ZFX: variants seen among roughly 807,000 people sequenced by gnomAD.
The protein encoded by ZFX is zinc finger X-chromosomal protein.
For synonymous variants in ZFX, 196 were observed against 226.8 expected (o/e 0.86, Z 1.22); for missense variants, 362 against 628.3 (o/e 0.58, Z 4.53).
chrX:24,156,933 C>T (rs1287331921), intron 3 of ZFX, among the ~76,000 whole-genome samples: 3 of 111,787 alleles, frequency 2.7e-5, no homozygotes, highest in East Asian at 2.8e-4. Context: ...GGATTACAGG[C>T]GTGAGCCACT....
At position 24,180,091 on chromosome X, in the gene ZFX, G is replaced by T. The variant is rs1277551850; in HGVS notation, c.646+321G>T. Among the ~76,000 whole-genome samples, 6 of 109,913 alleles carry T rather than the reference G, an allele frequency of 5.5e-5. No individual in the cohort carries two copies. The Admixed American group carries it at 5.9e-4, about 11-fold the overall frequency. ...TACTAAAAATACAAAAATTAACCGG[G>T]TGTGGTGGTGGGCGCCTGTAATCCC... On this transcript the variant is annotated intron_variant, in intron 5 of 9. Coordinates refer to ENST00000304543, the MANE Select transcript of ZFX (RefSeq NM_003410.4).
At chrX:24,180,343 G>A (rs1935568268) in intron 5 of ZFX, among the ~76,000 whole-genome samples, 1 of 108,673 alleles carries the variant, frequency 9.2e-6, no homozygotes, top group African/African-American at 3.3e-5. Flanking sequence ...CCTAAAAGGA[G>A]TTCAACTTGG....
At chrX:24,207,244 AATTT>A in intron 5 of ZFX, 78 bp from the exon 6 acceptor site, 11 of 851,411 alleles carry the variant, frequency 1.3e-5, no homozygotes, top group Admixed American at 3.2e-5. Context: ...CAAAAAAAAA[AATTT>A]TTTTTTTTTT....
intron 5 of ZFX, among the ~76,000 whole-genome samples, chrX:24,203,863 C>T (rs1263032525): frequency 8.9e-6 from 1 of 112,442 alleles, no homozygotes; most frequent in Non-Finnish European, 1.9e-5. Flanking sequence ...TTCAGACTCT[C>T]ATCCTCTCAT....
At chrX:24,155,875 T>A (rs1569120142) in intron 3 of ZFX, among the ~76,000 whole-genome samples, 2 of 112,398 alleles carry the variant, frequency 1.8e-5, no homozygotes, top group South Asian at 7.3e-4. Flanking sequence ...GCCTCCTCCT[T>A]ATTGGTATAT....
intron 5 of ZFX, among the ~76,000 whole-genome samples, chrX:24,198,691 C>A (rs1937090829): frequency 9.0e-6 from 1 of 110,796 alleles, no homozygotes; most frequent in African/African-American, 3.3e-5. Context: ...CAGAGGTACA[C>A]AGATATAGGT....
intron 4 of ZFX, chrX:24,173,476 T>C: frequency 1.0e-6 from 1 of 961,790 alleles, no homozygotes; most frequent in Non-Finnish European, 1.3e-6. Flanking sequence ...CAAGGAAAAA[T>C]TATACTCAGG....
chrX:24,166,808 G>C (rs942470798), intron 3 of ZFX, among the ~76,000 whole-genome samples: 1 of 111,793 alleles, frequency 8.9e-6, no homozygotes, highest in Admixed American at 9.5e-5. Flanking sequence ...GTATGAATCA[G>C]AATATGATGA....
chrX:24,176,776 G>T (rs992236382), intron 4 of ZFX, among the ~76,000 whole-genome samples: 17 of 110,490 alleles, frequency 1.5e-4, no homozygotes, highest in African/African-American at 4.6e-4. Flanking sequence ...TTCTCTGAGG[G>T]CCTGGCCAGT....
At position 24,152,182 on chromosome X, in the gene ZFX, C is replaced by T. The variant is rs751429954; in HGVS notation, c.-140+382C>T. Among the ~76,000 whole-genome samples, 125 of 108,522 alleles carry T rather than the reference C, an allele frequency of 1.2e-3. 1 individual carries two copies. The highest frequency in any genetic ancestry group is 4.1e-3 in the African/African-American group (122 of 29,692). The allele number at this position is 108,522 out of a possible 115,157, so 94.2% of individuals were successfully genotyped here. On this transcript the variant is annotated intron_variant, in intron 2 of 9. Coordinates refer to ENST00000304543, the MANE Select transcript of ZFX (RefSeq NM_003410.4). ...ACTGAATCTCACTCTGTCGCCCAGG[C>T]TGGAGTGCAGTGGTGTGATCTTGGC...
At chrX:24,183,427 C>A (rs1935839485) in intron 5 of ZFX, among the ~76,000 whole-genome samples, 1 of 111,439 alleles carries the variant, frequency 9.0e-6, no homozygotes, top group Non-Finnish European at 1.9e-5. Context: ...CTCAGGTGAT[C>A]CCACCCGCCT....
chrX:24,159,565 C>T (rs1933051419), intron 3 of ZFX, among the ~76,000 whole-genome samples: 1 of 111,214 alleles, frequency 9.0e-6, no homozygotes. Context: ...ATCTCTGCCT[C>T]CCTGGTTCAA....
intron 5 of ZFX, among the ~76,000 whole-genome samples, chrX:24,186,809 C>T (rs1375218871): frequency 1.8e-5 from 2 of 111,372 alleles, no homozygotes; most frequent in Non-Finnish European, 3.8e-5. Flanking sequence ...TTATGATTGG[C>T]TTCTAAGTTA....
chrX:24,177,263 G>T (rs1476174166), intron 4 of ZFX, among the ~76,000 whole-genome samples: 1 of 112,057 alleles, frequency 8.9e-6, no homozygotes, highest in Non-Finnish European at 1.9e-5. Flanking sequence ...TTTTGATAAG[G>T]ATATTTGATT....
chrX:24,179,291 C>G lies in ZFX; in HGVS notation c.167C>G (p.Pro56Arg), dbSNP rs1569143451. ...DSDITVHNFV[P>R]DDPDSVVIQD... ...GACATAACTGTGCATAACTTTGTTC[C>G]TGATGACCCAGATTCAGTTGTAATC... The change falls in exon 5 of 10, where the codon CCT becomes CGT. Residue 56 changes from proline (P) to arginine (R), a missense_variant. Physicochemically the swap from Pro to Arg is moderately radical, Grantham distance 103. Transcript: ENST00000304543. The G allele has an allele frequency of 1.7e-6, 2 of 1,210,204 alleles. No homozygotes were observed. Among genetic ancestry groups the G allele is most frequent in the East Asian group, 3.0e-5 (1 of 33,813 alleles).
At chrX:24,209,475 A>G (rs975732476) in intron 9 of ZFX, among the ~76,000 whole-genome samples, 1 of 112,720 alleles carries the variant, frequency 8.9e-6, no homozygotes, top group Non-Finnish European at 1.9e-5. Context: ...GGGTATATTT[A>G]AACTTTGCTG....
chrX:24,200,003 G>T, intron 5 of ZFX, among the ~76,000 whole-genome samples: 1 of 111,002 alleles, frequency 9.0e-6, no homozygotes, highest in Middle Eastern at 4.6e-3. Flanking sequence ...TCCAGTAGAG[G>T]ATGCAGGGAA....
chrX:24,167,413 G>A (rs1217828206), intron 3 of ZFX, among the ~76,000 whole-genome samples: 1 of 111,429 alleles, frequency 9.0e-6, no homozygotes, highest in African/African-American at 3.3e-5. Context: ...CTACAAGTAG[G>A]AATAGACAAC....
At chrX:24,167,169 G>C (rs1365797971) in intron 3 of ZFX, among the ~76,000 whole-genome samples, 1 of 111,953 alleles carries the variant, frequency 8.9e-6, no homozygotes. Context: ...AGTTTAGGTA[G>C]CTTGTGGCTA....
Sources: allele counts gnomAD v4.1 joint callset (sites outside exome capture counted in the v4.1 genomes callset), GRCh38; gene constraint gnomAD v4.1.1; transcripts MANE v1.5; gene names NCBI Gene and HGNC (gene_info 2026-07-23, HGNC 2026-07-21).